The following LINGO2 variants were observed in gnomAD, a reference collection of about 807,000 sequenced individuals.
The protein encoded by LINGO2 is leucine rich repeat and Ig domain containing 2.
LINGO2 carries 14 observed loss-of-function variants against 30.6 expected under a neutral mutation model. The ratio of observed to expected loss-of-function variants is 0.46; its 90% CI spans 0.30 to 0.72. The LOEUF (loss-of-function observed/expected upper bound fraction) is 0.72, where lower values mean the gene tolerates loss of function less well. Ranked by LOEUF, LINGO2 falls within the 30% of genes least tolerant of loss-of-function variation. The pLI is 0.07. For missense variants in LINGO2, 729 were observed against 751.7 expected (o/e 0.97, Z 0.35); for synonymous variants, 317 against 288.5 (o/e 1.10, Z -1.00).
the LINGO2 span, among the ~76,000 whole-genome samples, chr9:28,986,575 T>C: frequency 2.0e-5 from 3 of 152,044 alleles, no homozygotes; most frequent in Non-Finnish European, 4.4e-5. Flanking sequence ...GTTTTCAATA[T>C]ACAAGTCCTT....
At chr9:28,515,987 A>T (rs910163651) in intron 1 of LINGO2, among the ~76,000 whole-genome samples, 1 of 152,200 alleles carries the variant, frequency 6.6e-6, no homozygotes. Flanking sequence ...GTCAGCGGCC[A>T]TCAACATCAA....
At chr9:28,064,192 G>A (rs757632983) in intron 4 of LINGO2, among the ~76,000 whole-genome samples, 4 of 152,042 alleles carry the variant, frequency 2.6e-5, no homozygotes, top group African/African-American at 4.8e-5. Flanking sequence ...CAGTCATTGT[G>A]GTCTCTTGCT....
the LINGO2 span, among the ~76,000 whole-genome samples, chr9:28,989,304 A>G: frequency 6.6e-6 from 1 of 152,238 alleles, no homozygotes; most frequent in Non-Finnish European, 1.5e-5. Context: ...TTGCATCAAG[A>G]GAAAACAATG....
intron 4 of LINGO2, among the ~76,000 whole-genome samples, chr9:28,150,152 C>T (rs1348055048): frequency 1.3e-5 from 2 of 150,862 alleles, no homozygotes; most frequent in East Asian, 4.0e-4. Flanking sequence ...TGCCTGGCCC[C>T]CTCACCGTTT....
At chr9:29,028,027 T>C in the LINGO2 span, among the ~76,000 whole-genome samples, 1 of 152,158 alleles carries the variant, frequency 6.6e-6, no homozygotes, top group Non-Finnish European at 1.5e-5. Context: ...AAATAGGCTA[T>C]GCTAAAGCAG....
intron 5 of LINGO2, among the ~76,000 whole-genome samples, chr9:28,008,771 G>A (rs1246165961): frequency 1.3e-5 from 2 of 152,048 alleles, no homozygotes; most frequent in African/African-American, 4.8e-5. Context: ...AAAGGCCTAA[G>A]CATATGGAAA....
At chr9:28,807,399 T>C in the LINGO2 span, among the ~76,000 whole-genome samples, 2 of 152,192 alleles carry the variant, frequency 1.3e-5, no homozygotes, top group Non-Finnish European at 1.5e-5. Context: ...TTCTTCTCTC[T>C]GATAAGGGTT....
chr9:28,679,714 AAAAG>A, the LINGO2 span, among the ~76,000 whole-genome samples: 4 of 152,054 alleles, frequency 2.6e-5, no homozygotes, highest in Non-Finnish European at 5.9e-5. Context: ...TAAAAACATG[AAAAG>A]AAAGTGTTAT....
At chr9:28,002,576 G>T (rs887349482) in intron 5 of LINGO2, among the ~76,000 whole-genome samples, 1 of 152,068 alleles carries the variant, frequency 6.6e-6, no homozygotes, top group South Asian at 2.1e-4. Context: ...TTGCATTCTT[G>T]TTGATTGTTG....
intron 4 of LINGO2, among the ~76,000 whole-genome samples, chr9:28,178,351 T>C (rs72726918): frequency 0.014 from 2,130 of 152,272 alleles, 16 homozygotes; most frequent in Non-Finnish European, 0.023. Context: ...CTCAGTAAAC[T>C]TGGAACATGA....
chr9:28,318,477 T>G (rs2134287965), intron 3 of LINGO2, among the ~76,000 whole-genome samples: 1 of 152,306 alleles, frequency 6.6e-6, no homozygotes, highest in East Asian at 1.9e-4. Flanking sequence ...AGTTGGAGAT[T>G]ATTTTTATCA....
intron 4 of LINGO2, among the ~76,000 whole-genome samples, chr9:28,124,627 T>G (rs1179444706): frequency 6.6e-6 from 1 of 152,214 alleles, no homozygotes; most frequent in African/African-American, 2.4e-5. Flanking sequence ...CAACTTATTT[T>G]TCCCAGTGAA....
At chr9:27,951,620 TG>T (rs1200015701) in intron 5 of LINGO2, among the ~76,000 whole-genome samples, 66 of 152,234 alleles carry the variant, frequency 4.3e-4, no homozygotes, top group African/African-American at 1.5e-3. Flanking sequence ...GTTTTAAATG[TG>T]GATAGTTTAG....
intron 4 of LINGO2, among the ~76,000 whole-genome samples, chr9:28,032,420 A>T (rs1466124530): frequency 6.6e-6 from 1 of 152,142 alleles, no homozygotes; most frequent in East Asian, 1.9e-4. Flanking sequence ...TGTCTTTGTC[A>T]ACATTACATA....
At chr9:28,284,307 C>T (rs1823430569) in intron 4 of LINGO2, among the ~76,000 whole-genome samples, 2 of 152,154 alleles carry the variant, frequency 1.3e-5, no homozygotes, top group Non-Finnish European at 2.9e-5. Flanking sequence ...TTTACACTCT[C>T]TTTCTTTACA....
the LINGO2 span, among the ~76,000 whole-genome samples, chr9:28,802,373 T>C: frequency 6.6e-6 from 1 of 151,964 alleles, no homozygotes; most frequent in Non-Finnish European, 1.5e-5. Context: ...AGAAGAAAAA[T>C]CTTTAATCTG....
chr9:28,630,371 T>A (rs1483428651), intron 1 of LINGO2, among the ~76,000 whole-genome samples: 1 of 152,122 alleles, frequency 6.6e-6, no homozygotes, highest in Non-Finnish European at 1.5e-5. Context: ...ATACTGCTAA[T>A]TAGTCCTAAC....
At chr9:28,288,468 G>C (rs1261687271) in intron 4 of LINGO2, among the ~76,000 whole-genome samples, 1 of 152,028 alleles carries the variant, frequency 6.6e-6, no homozygotes, top group East Asian at 1.9e-4. Context: ...GGGTAATTTT[G>C]CTTGGAATAT....
the LINGO2 span, among the ~76,000 whole-genome samples, chr9:29,201,223 G>C: frequency 6.6e-6 from 1 of 152,070 alleles, no homozygotes; most frequent in Admixed American, 6.6e-5. Flanking sequence ...GTTTTGCATA[G>C]ATTTGCCTAT....
Sources: gnomAD v4.1 joint callset for allele counts (sites outside exome capture counted in the v4.1 genomes callset) on GRCh38, gnomAD v4.1.1 for gene constraint, MANE v1.5 for transcripts, NCBI Gene and HGNC (gene_info 2026-07-23, HGNC 2026-07-21) for gene names.